Variants in ZNF3 observed in about 807,000 individuals in gnomAD.
The protein encoded by ZNF3 is C2-H2 type zinc finger protein.
A neutral mutation model predicts 36.9 loss-of-function variants in ZNF3; 16 were observed. The observed-to-expected ratio is 0.43, with a 90% CI of 0.29 to 0.66. The LOEUF is 0.66. Ranked by LOEUF, ZNF3 falls within the 30% of genes least tolerant of loss-of-function variation. The pLI is 0.13. For synonymous variants in ZNF3, 201 were observed against 201.9 expected, an observed-to-expected ratio of 1.00 and a Z score of 0.04; for missense variants, 462 against 543.1, an observed-to-expected ratio of 0.85 and a Z score of 1.48.
At position 100,070,769 on chromosome 7, in the gene ZNF3, T is replaced by G. The variant is rs1792997371; in HGVS notation, c.*374A>C. 1 of 1,024,628 alleles carries G rather than the reference T, an allele frequency of 9.8e-7. No homozygotes were observed. Among genetic ancestry groups the G allele is most frequent in the South Asian group, 4.1e-5 (1 of 24,308 alleles). The allele number at this position is 1,024,628 out of a possible 1,614,324, so 63.5% of individuals were successfully genotyped here. On this transcript the variant is annotated 3_prime_UTR_variant, in exon 6 of 6. Transcript: ENST00000299667. ...AAATAACAGGACCCAGAGCGTCCTT[T>G]CCACTGCTGTCTGTGCTGACTACGC... is the stretch of plus-strand genomic sequence containing the variant.
intron 3 of ZNF3, among the ~76,000 whole-genome samples, chr7:100,076,195 C>CA (rs1794082803): frequency 3.9e-5 from 6 of 152,084 alleles, no homozygotes; most frequent in Admixed American, 2.0e-4. Context: ...ACTGGAAACA[C>CA]AATGCCCACA....
chr7:100,076,317 G>A (rs1410606524), intron 3 of ZNF3, among the ~76,000 whole-genome samples: 1 of 151,046 alleles, frequency 6.6e-6, no homozygotes, highest in Admixed American at 6.6e-5. Context: ...TTTTGAGGTG[G>A]CGTCTCACTC....
At position 100,072,287 on chromosome 7, in the gene ZNF3, G is replaced by T. The variant is rs1442731205; in HGVS notation, c.272-75C>A. 170 of 1,339,540 alleles carry T rather than the reference G, an allele frequency of 1.3e-4. No homozygotes were observed. The East Asian group carries it at 3.1e-3, about 24-fold the overall frequency. 83.0% of individuals were successfully genotyped at this position (1,339,540 alleles called of 1,614,324 possible). A position where few individuals can be genotyped will look rare whatever the true frequency, so the allele number is the denominator to read the frequency against. On this transcript the variant is annotated intron_variant, in intron 5 of 5. Transcript: ENST00000299667. ...GTGAAAATCACAGGACAGGATCATT[G>T]TAACGAATACTTACAGTGCCAAAAG...
chr7:100,071,156 CTGATATT>C lies in ZNF3; in HGVS notation c.1321_1327del (p.Asn441GlufsTer26). ...TGTGTGGCTCTTTCACGTGGACTCT[CTGATATT>C]TAACTCGGTCGTAACTCTGAGGGAG... On this transcript the variant is annotated frameshift_variant, in exon 6 of 6. Transcript: ENST00000299667. LOFTEE classifies it high-confidence loss of function. 1 of 1,592,864 alleles carries C rather than the reference CTGATATT, an allele frequency of 6.3e-7. No homozygotes were observed. Among genetic ancestry groups the C allele is most frequent in the Non-Finnish European group, 8.6e-7 (1 of 1,168,594 alleles).
chr7:100,077,250 T>C (rs1365618700), intron 3 of ZNF3, 53 bp downstream of exon 3: 1 of 1,610,996 alleles, frequency 6.2e-7, no homozygotes, highest in Non-Finnish European at 8.5e-7. Flanking sequence ...GCGATTTCAA[T>C]GGATGATTGC....
At chr7:100,065,686 G>A (rs566428853), downstream of ZNF3, among the ~76,000 whole-genome samples, 1 of 151,834 alleles carries the variant, frequency 6.6e-6, no homozygotes, top group East Asian at 1.9e-4. Flanking sequence ...GAAGGGCAGG[G>A]TGTGCAGGAG....
Position 100,075,635 on chromosome 7 carries a change from A to G in ZNF3, c.56-5T>C. The G allele has an allele frequency of 6.2e-7, 1 of 1,613,930 alleles. No individual in the cohort carries two copies. On this transcript the variant is annotated splice_region_variant and splice_polypyrimidine_tract_variant and intron_variant, in intron 3 of 5. Coordinates refer to ENST00000299667, the MANE Select transcript of ZNF3 (RefSeq NM_032924.5). Reference sequence around the variant, plus strand: ...CAGGAACTTTTGAAGGAAGAGCTGAAGGGCAATAAAAGGGCCCAGGAATGA... The same window carrying G: ...CAGGAACTTTTGAAGGAAGAGCTGAGGGGCAATAAAAGGGCCCAGGAATGA...
Position 100,071,036 on chromosome 7 carries a change from GA to G in ZNF3, c.*106del. On this transcript the variant is annotated 3_prime_UTR_variant, in exon 6 of 6. Coordinates refer to ENST00000299667, the MANE Select transcript of ZNF3 (RefSeq NM_032924.5). ...CCCCATCTGCCCCATTCTCTAAAAT[GA>G]AAAGTCTGAGTTGAAAGGGACACAT... 1.3e-6 allele frequency: 2 copies of G among 1,495,160 alleles called. No individual in the cohort carries two copies. The highest frequency in any genetic ancestry group is 1.8e-6 in the Non-Finnish European group (2 of 1,124,990). The allele number at this position is 1,495,160 out of a possible 1,614,324, so 92.6% of individuals were successfully genotyped here. A position where few individuals can be genotyped will look rare whatever the true frequency, so the allele number is the denominator to read the frequency against.
In ZNF3 at chr7:100,071,860, G is replaced by A. The variant is rs1461732453; in HGVS notation, c.624C>T (p.Ser208=). The A allele has an allele frequency of 5.0e-6, 8 of 1,614,136 alleles. No homozygotes were observed. The South Asian group carries it at 6.6e-5, about 13-fold the overall frequency. The change falls in exon 6 of 6, where the codon AGC becomes AGT. Residue 208 remains serine (S), a synonymous_variant. Transcript: ENST00000299667. ...RPHKCDECSK[S]FNRTSDLIQH... ...GAATAAGGTCTGAAGTTCGATTAAA[G>A]CTCTTGCTACATTCATCACACTTAT...
downstream of ZNF3, among the ~76,000 whole-genome samples, chr7:100,065,801 C>T (rs1055214446): frequency 6.6e-6 from 1 of 150,510 alleles, no homozygotes; most frequent in Non-Finnish European, 1.5e-5. Flanking sequence ...TTCTCAGGGA[C>T]ATGGCCATAG....
In ZNF3 at chr7:100,071,989, G is replaced by T; in HGVS notation, c.495C>A (p.Thr165=). ...ATTTCTCGCTTCTCTCTCCCCTGGG[G>T]GTTAGCTTCTCCTCAACTGTCACTT... The part of the protein sequence containing the change: ...FGQVTVEEKL[T]PRGERSEKYN... The change falls in exon 6 of 6, where the codon ACC becomes ACA. Residue 165 remains threonine (T), a synonymous_variant. Coordinates refer to ENST00000299667, the MANE Select transcript of ZNF3 (RefSeq NM_032924.5). The T allele has an allele frequency of 1.2e-6, 2 of 1,614,054 alleles. No homozygotes were observed. The highest frequency in any genetic ancestry group is 8.5e-7 in the Non-Finnish European group (1 of 1,179,998).
intron 5 of ZNF3, among the ~76,000 whole-genome samples, chr7:100,072,455 G>A (rs1793345354): frequency 6.6e-6 from 1 of 152,190 alleles, no homozygotes; most frequent in East Asian, 1.9e-4. Context: ...GAGTGTGTGT[G>A]GAGGGGAGGA....
downstream of ZNF3, among the ~76,000 whole-genome samples, chr7:100,068,233 T>C (rs1395223495): frequency 6.6e-6 from 1 of 152,136 alleles, no homozygotes; most frequent in African/African-American, 2.4e-5. Context: ...ATTACAGGCA[T>C]GTGCCACCAA....
intron 3 of ZNF3, among the ~76,000 whole-genome samples, chr7:100,075,883 CCTCTTCTCTCCAGTCA>C (rs2116385106): frequency 6.6e-6 from 1 of 152,326 alleles, no homozygotes; most frequent in Non-Finnish European, 1.5e-5. Context: ...TCCCAGGTCC[CCTCTTCTCTCCAGTCA>C]CTCTTCTCTC....
At chr7:100,063,872 C>T, downstream of ZNF3, 1 of 1,614,150 alleles carries the variant, frequency 6.2e-7, no homozygotes, top group Non-Finnish European at 8.5e-7. Flanking sequence ...GATATAATTT[C>T]TGTGATTATC....
rs375338055 is a variant in ZNF3, at chr7:100,075,163, C to T, written c.243G>A (p.Leu81=). The change falls in exon 5 of 6, where the codon CTG becomes CTA. Residue 81 remains leucine (L), a synonymous_variant. Coordinates refer to ENST00000299667, the MANE Select transcript of ZNF3 (RefSeq NM_032924.5). ...AQRDLYRDVM[L]ENYGNVFSLD... ...GTGAGAACACATTCCCGTAATTCTC[C>T]AGCATCACATCTCTATAGAGGTCCC... 6.2e-5 allele frequency: 100 copies of T among 1,611,736 alleles called. No individual in the cohort carries two copies. The African/African-American group carries it at 1.3e-3, about 21-fold the overall frequency.
downstream of ZNF3, among the ~76,000 whole-genome samples, chr7:100,069,631 G>A (rs79359336): frequency 6.7e-5 from 9 of 134,282 alleles, no homozygotes; most frequent in African/African-American, 1.9e-4. Context: ...TTTTTTTTTT[G>A]AGATGGAGTT....
At chr7:100,078,522 G>T (rs962248334) in intron 2 of ZNF3, among the ~76,000 whole-genome samples, 7 of 148,830 alleles carry the variant, frequency 4.7e-5, no homozygotes, top group Admixed American at 4.0e-4. Context: ...AAAAAGAAAA[G>T]AAAAAATACA....
intron 5 of ZNF3, 96 bp from the exon 6 acceptor site, chr7:100,072,308 A>C: frequency 8.8e-7 from 1 of 1,138,300 alleles, no homozygotes. Context: ...TTACAGTGCC[A>C]AAAGCACATG....
Sources: allele counts gnomAD v4.1 joint callset (sites outside exome capture counted in the v4.1 genomes callset), GRCh38; gene constraint gnomAD v4.1.1; transcripts MANE v1.5; gene names NCBI Gene and HGNC (gene_info 2026-07-23, HGNC 2026-07-21).